HOXB3: variants seen among roughly 807,000 people sequenced by gnomAD.
HOXB3 encodes homeobox protein Hox-B3.
HOXB3 carries 17 observed loss-of-function variants against 29.2 expected under a neutral mutation model. The observed-to-expected ratio is 0.58, with a 90% confidence interval of 0.40 to 0.87. HOXB3 has a LOEUF of 0.87. HOXB3 is among the 40% of genes least tolerant of loss of function. The pLI, the probability that HOXB3 is intolerant of heterozygous loss-of-function variation, is 0.00. For missense variants in HOXB3, 637 were observed against 616.3 expected (o/e 1.03, Z -0.35); for synonymous variants, 317 against 285.9 (o/e 1.11, Z -1.10).
intron 1 of HOXB3, among the ~76,000 whole-genome samples, chr17:48,584,971 T>G (rs2070019292): frequency 8.9e-6 from 1 of 112,686 alleles, no homozygotes; most frequent in South Asian, 3.1e-4. Context: ...CACTCACGCA[T>G]GGTGTAAACT....
Position 48,549,224 on chromosome 17 carries a change from G to A in HOXB3, c.*1110C>T, listed in dbSNP as rs2068624183. The stretch of plus-strand genomic sequence containing the variant: ...CTCATATAAATACATAATGTAGGGG[G>A]ATAAATAATACAAAAAAGAAAATAT... On this transcript the variant is annotated 3_prime_UTR_variant, in exon 5 of 5. Transcript: ENST00000498678. The A allele has an allele frequency of 2.0e-5, 3 of 152,534 alleles. No homozygotes were observed. In the South Asian group the frequency reaches 6.2e-4, roughly 32 times the overall value. 9.4% of individuals were successfully genotyped at this position (152,534 alleles called of 1,614,324 possible). A position where few individuals can be genotyped will look rare whatever the true frequency, so the allele number is the denominator to read the frequency against.
At chr17:48,573,540 C>A (rs982178885) in intron 2 of HOXB3, among the ~76,000 whole-genome samples, 5 of 152,136 alleles carry the variant, frequency 3.3e-5, no homozygotes, top group Admixed American at 3.3e-4. Flanking sequence ...ACCAGAAAAG[C>A]GCTTCTGAAC....
intron 2 of HOXB3, among the ~76,000 whole-genome samples, chr17:48,573,089 G>A (rs1192179290): frequency 6.6e-6 from 1 of 152,196 alleles, no homozygotes; most frequent in African/African-American, 2.4e-5. Context: ...GGCTGCAGAG[G>A]AGAGAACAGA....
intron 1 of HOXB3, chr17:48,578,446 AGCCAATG>A: frequency 8.0e-7 from 1 of 1,244,028 alleles, no homozygotes; most frequent in Non-Finnish European, 1.1e-6. Flanking sequence ...TGATCCTCCG[AGCCAATG>A]GCCGCCCCGC....
chr17:48,564,575 T>G (rs1016597993), intron 2 of HOXB3, among the ~76,000 whole-genome samples: 1 of 152,232 alleles, frequency 6.6e-6, no homozygotes, highest in Admixed American at 6.5e-5. Context: ...CGGGCTCGTC[T>G]GGCACCGAGC....
intron 2 of HOXB3, among the ~76,000 whole-genome samples, chr17:48,569,520 T>C (rs2144847001): frequency 6.6e-6 from 1 of 152,180 alleles, no homozygotes; most frequent in East Asian, 1.9e-4. Context: ...TGGGGTGGGC[T>C]CAGAGCCCTT....
chr17:48,552,022 G>A lies in HOXB3; in HGVS notation c.448+5C>T, dbSNP rs780973686. ...CTGAGGACAAGGAAGGCAGAGAACT[G>A]GTACCTGTGCCGGGGGAGTTGTTTT... is the stretch of plus-strand genomic sequence containing the variant. On this transcript the variant is annotated splice_donor_5th_base_variant and intron_variant, in intron 4 of 4. Transcript: ENST00000498678. 9 of 1,560,406 alleles carry A rather than the reference G, an allele frequency of 5.8e-6. No homozygotes were observed. Among genetic ancestry groups the A allele is most frequent in the African/African-American group, 4.1e-5 (3 of 73,788 alleles).
chr17:48,564,399 G>T (rs1013661513), intron 2 of HOXB3, among the ~76,000 whole-genome samples: 4 of 152,042 alleles, frequency 2.6e-5, no homozygotes, highest in Non-Finnish European at 5.9e-5. Flanking sequence ...CGAGCTGGGG[G>T]AGAGGCCCGG....
chr17:48,584,728 C>T (rs1301191065), intron 1 of HOXB3, among the ~76,000 whole-genome samples: 1 of 152,176 alleles, frequency 6.6e-6, no homozygotes, highest in Non-Finnish European at 1.5e-5. Flanking sequence ...TTTTCTACAA[C>T]TCACCACCAC....
At chr17:48,564,364 C>T (rs2069310207) in intron 2 of HOXB3, among the ~76,000 whole-genome samples, 1 of 152,040 alleles carries the variant, frequency 6.6e-6, no homozygotes, top group Non-Finnish European at 1.5e-5. Context: ...CCGCAGCAAC[C>T]CCCAGCAACC....
At chr17:48,555,735 A>G (rs1597819656) in intron 2 of HOXB3, 117 bp from the exon 3 acceptor site, 2 of 636,778 alleles carry the variant, frequency 3.1e-6, no homozygotes, top group African/African-American at 3.9e-5. Flanking sequence ...CGGCCAGAGG[A>G]GCCGCGCGGC....
chr17:48,550,838 G>T lies in HOXB3; in HGVS notation c.792C>A (p.Ser264Arg), dbSNP rs772713771. ...SSSGGPSPAG[S>R]PPQPMQSTAG... Reference sequence around the variant, plus strand: ...CCGTGGACTGCATGGGCTGCGGGGGGCTGCCGGCTGGAGATGGGCCCCCCG... The same window carrying T: ...CCGTGGACTGCATGGGCTGCGGGGGTCTGCCGGCTGGAGATGGGCCCCCCG... Residue 264 changes from serine to arginine, a missense_variant, in exon 5 of 5, where the codon AGC becomes AGA. By Grantham distance (110) the Ser-to-Arg change is moderately radical (BLOSUM62 -1). Transcript: ENST00000498678. 6.2e-7 allele frequency: 1 copy of T among 1,613,840 alleles called. No individual in the cohort carries two copies. The highest frequency in any genetic ancestry group is 8.5e-7 in the Non-Finnish European group (1 of 1,179,890).
In HOXB3 at chr17:48,564,424, A is replaced by ACCCCGC. The variant is rs999466619; in HGVS notation, c.-246-8812_-246-8807dup. ...GAGAGGCCCGGATGCGCTCGCCCCC[A>ACCCCGC]CCCCGCCCCCGCCCCCGCCCCCGGC... On this transcript the variant is annotated intron_variant, in intron 2 of 4. Coordinates refer to ENST00000498678, the MANE Select transcript of HOXB3 (RefSeq NM_001384749.1). 5.3e-3 allele frequency among the ~76,000 whole-genome samples: 571 copies of ACCCCGC among 108,072 alleles called. 4 individuals carry two copies. The highest frequency in any genetic ancestry group is 0.017 in the Middle Eastern group (4 of 232). The allele number at this position is 108,072 out of a possible 152,430, so 70.9% of individuals were successfully genotyped here.
In HOXB3 at chr17:48,554,158, T is replaced by C. The variant is rs2068868896; in HGVS notation, c.-159+1373A>G. The C allele has an allele frequency of 5.7e-6, 1 of 175,970 alleles. No homozygotes were observed. The highest frequency in any genetic ancestry group is 2.4e-5 in the African/African-American group (1 of 41,718). 10.9% of individuals were successfully genotyped at this position (175,970 alleles called of 1,614,324 possible). On this transcript the variant is annotated intron_variant, in intron 3 of 4. Coordinates refer to ENST00000498678, the MANE Select transcript of HOXB3 (RefSeq NM_001384749.1). The surrounding 1 kb of genome is among the most constrained non-coding windows in gnomAD (Gnocchi z 4.1). Reference sequence around the variant, plus strand: ...CCCAATCCCTTTATTATTATTACCATTAGCCTCTGCTGATTTAACCAAAAT... The same window carrying C: ...CCCAATCCCTTTATTATTATTACCACTAGCCTCTGCTGATTTAACCAAAAT...
chr17:48,575,322 C>T (rs534822529), intron 1 of HOXB3: 1 of 152,234 alleles, frequency 6.6e-6, no homozygotes, highest in Admixed American at 6.5e-5. Context: ...ACACACCCAC[C>T]CTAAAAGGAA....
intron 1 of HOXB3, among the ~76,000 whole-genome samples, chr17:48,589,041 AG>A (rs36087971): frequency 0.14 from 20,780 of 152,066 alleles, 1,549 homozygotes; most frequent in Non-Finnish European, 0.17. Flanking sequence ...GTTAAATTGG[AG>A]GGGGGTCAAT....
Position 48,551,189 on chromosome 17 carries a change from C to T in HOXB3, c.449-8G>A. On this transcript the variant is annotated splice_region_variant and splice_polypyrimidine_tract_variant and intron_variant, in intron 4 of 4. Transcript: ENST00000498678. ...CGCCACCACAGCCCTCTGCTGGATC[C>T]GAGGGGGAGGGGTGGGAAGGGGAGA... 2.3e-6 allele frequency: 3 copies of T among 1,286,246 alleles called. No homozygotes were observed. Among genetic ancestry groups the T allele is most frequent in the Non-Finnish European group, 3.0e-6 (3 of 1,015,596 alleles). The allele number at this position is 1,286,246 out of a possible 1,614,324, so 79.7% of individuals were successfully genotyped here.
chr17:48,582,743 CCTTCT>C (rs1382850453), intron 1 of HOXB3: 1 of 152,242 alleles, frequency 6.6e-6, no homozygotes, highest in East Asian at 1.9e-4. Flanking sequence ...TTCGCCAGAG[CCTTCT>C]CTTCTCTTCA....
intron 2 of HOXB3, chr17:48,557,432 C>G (rs1455706896): frequency 6.6e-6 from 1 of 152,258 alleles, no homozygotes; most frequent in Non-Finnish European, 1.5e-5. Flanking sequence ...TCCCTCATTC[C>G]CTCTCTCTCC....
Sources: gnomAD v4.1 joint callset for allele counts (sites outside exome capture counted in the v4.1 genomes callset) on GRCh38, gnomAD v4.1.1 for gene constraint, Gnocchi (gnomAD v3.1) non-coding constraint, MANE v1.5 for transcripts, NCBI Gene and HGNC (gene_info 2026-07-23, HGNC 2026-07-21) for gene names.